Variants in CHIC2 observed in about 807,000 individuals in gnomAD.
CHIC2 encodes the protein cysteine-rich hydrophobic domain-containing protein 2.
A neutral mutation model predicts 25.9 loss-of-function variants in CHIC2; 14 were observed. That is an observed-to-expected ratio of 0.54 (90% CI 0.36 to 0.85). CHIC2 has a LOEUF of 0.85. Among genes scored for constraint, CHIC2 ranks in the 40% least tolerant of loss-of-function variants. CHIC2 has a pLI of 0.01. For missense variants in CHIC2, 146 were observed against 202.0 expected (o/e 0.72, Z 1.68); for synonymous variants, 70 against 72.0 (o/e 0.97, Z 0.14).
chr4:54,045,074 AT>A (rs1716740161), intron 3 of CHIC2, among the ~76,000 whole-genome samples: 1 of 152,348 alleles, frequency 6.6e-6, no homozygotes, highest in South Asian at 2.1e-4. Context: ...TCCTCGACAC[AT>A]ACACTCTCCC....
chr4:54,028,317 T>C (rs1716122653), intron 3 of CHIC2, among the ~76,000 whole-genome samples: 2 of 152,156 alleles, frequency 1.3e-5, no homozygotes, highest in African/African-American at 2.4e-5. Context: ...TAATAAAAAA[T>C]AGCTTGATTT....
Position 54,049,233 on chromosome 4 carries a change from C to A in CHIC2, c.174+18G>T, listed in dbSNP as rs373214146. 15 of 1,596,588 alleles carry A rather than the reference C, an allele frequency of 9.4e-6. No individual in the cohort carries two copies. Among genetic ancestry groups the A allele is most frequent in the Non-Finnish European group, 1.3e-5 (15 of 1,168,518 alleles). Reference sequence around the variant, plus strand: ...TTCATTTTGAGGCATACAAATAGTACATAAATGAGACACTCACTTTTCCAG... The same window carrying A: ...TTCATTTTGAGGCATACAAATAGTAAATAAATGAGACACTCACTTTTCCAG... On this transcript the variant is annotated intron_variant, in intron 2 of 5. Transcript: ENST00000263921.
At chr4:54,056,243 T>G (rs993385506) in intron 1 of CHIC2, among the ~76,000 whole-genome samples, 2 of 152,172 alleles carry the variant, frequency 1.3e-5, no homozygotes, top group Admixed American at 6.5e-5. Context: ...ATAACTAACT[T>G]CTGGCGATAT....
chr4:54,056,253 T>C (rs556921873), intron 1 of CHIC2, among the ~76,000 whole-genome samples: 3 of 152,280 alleles, frequency 2.0e-5, no homozygotes, highest in African/African-American at 2.4e-5. Flanking sequence ...TCTGGCGATA[T>C]AGGGATGCAG....
rs200677428 is a variant in CHIC2 at position 54,046,577 on chromosome 4, G to A, written c.330+2378C>T. ...GATTCCCTATTTAATAAAGGGTGCTGGGAAAACTGGCTAGCCATATGTACA... is the reference window on the plus strand; with the variant it reads ...GATTCCCTATTTAATAAAGGGTGCTAGGAAAACTGGCTAGCCATATGTACA... On this transcript the variant is annotated intron_variant, in intron 3 of 5. Transcript: ENST00000263921. 5.1e-3 allele frequency among the ~76,000 whole-genome samples: 782 copies of A among 152,262 alleles called. 3 individuals are homozygous for A. The highest frequency in any genetic ancestry group is 9.0e-3 in the Non-Finnish European group (612 of 68,022).
At chr4:54,028,494 G>T (rs1716126571) in intron 3 of CHIC2, among the ~76,000 whole-genome samples, 1 of 152,098 alleles carries the variant, frequency 6.6e-6, no homozygotes, top group Non-Finnish European at 1.5e-5. Flanking sequence ...TTGTAATTTT[G>T]TAAGAATACA....
At chr4:54,055,407 G>T (rs1277251984) in intron 1 of CHIC2, among the ~76,000 whole-genome samples, 2 of 152,178 alleles carry the variant, frequency 1.3e-5, no homozygotes, top group Non-Finnish European at 2.9e-5. Flanking sequence ...AAGAGAAAGA[G>T]GAAAATCAAG....
chr4:54,040,028 G>A (rs529706436), intron 3 of CHIC2, among the ~76,000 whole-genome samples: 1 of 152,072 alleles, frequency 6.6e-6, no homozygotes, highest in South Asian at 2.1e-4. Flanking sequence ...GGTTGCCAGG[G>A]TTTAAGAGTT....
chr4:54,025,168 A>G (rs371868906), intron 3 of CHIC2, among the ~76,000 whole-genome samples: 10 of 152,158 alleles, frequency 6.6e-5, no homozygotes, highest in African/African-American at 2.2e-4. Flanking sequence ...TGACCTGCAC[A>G]TATACATCCA....
chr4:54,017,205 C>T (rs1417756725), intron 3 of CHIC2, among the ~76,000 whole-genome samples: 1 of 151,988 alleles, frequency 6.6e-6, no homozygotes, highest in African/African-American at 2.4e-5. Context: ...TGTGGACAAG[C>T]AAATCTAATC....
chr4:54,054,600 G>A (rs1717115570), intron 1 of CHIC2, among the ~76,000 whole-genome samples: 1 of 152,176 alleles, frequency 6.6e-6, no homozygotes, highest in African/African-American at 2.4e-5. Context: ...ATACTAGAGA[G>A]AGTAGTCTGT....
At chr4:54,030,235 T>C (rs536068783) in intron 3 of CHIC2, among the ~76,000 whole-genome samples, 47 of 152,304 alleles carry the variant, frequency 3.1e-4, no homozygotes, top group Non-Finnish European at 5.9e-4. Context: ...ATTACAATGA[T>C]GGCCAGGTGC....
At chr4:54,041,218 G>A (rs956107140) in intron 3 of CHIC2, among the ~76,000 whole-genome samples, 1 of 151,896 alleles carries the variant, frequency 6.6e-6, no homozygotes, top group Non-Finnish European at 1.5e-5. Flanking sequence ...TGTGAAGAAA[G>A]TAAAAGCACT....
At chr4:54,083,025 T>C in the CHIC2 span, among the ~76,000 whole-genome samples, 3 of 130,766 alleles carry the variant, frequency 2.3e-5, no homozygotes, top group East Asian at 4.1e-4. Context: ...TTTCTTTTTT[T>C]TTTTTTTTTT....
At chr4:54,049,833 C>T (rs773325645) in intron 1 of CHIC2, among the ~76,000 whole-genome samples, 53 of 152,048 alleles carry the variant, frequency 3.5e-4, no homozygotes, top group Non-Finnish European at 5.9e-4. Context: ...CAAGAACCGT[C>T]TTAGGTTCCA....
At chr4:54,081,934 A>G in the CHIC2 span, among the ~76,000 whole-genome samples, 1,011 of 152,284 alleles carry the variant, frequency 6.6e-3, 7 homozygotes, top group African/African-American at 0.023. Context: ...AAAGATGAAA[A>G]ATAGATGATA....
At chr4:54,044,813 G>A (rs1716728362) in intron 3 of CHIC2, among the ~76,000 whole-genome samples, 1 of 152,020 alleles carries the variant, frequency 6.6e-6, no homozygotes, top group Non-Finnish European at 1.5e-5. Flanking sequence ...AGAACTGAAG[G>A]AAATAGAGAC....
At chr4:54,091,025 G>A in the CHIC2 span, among the ~76,000 whole-genome samples, 2 of 152,022 alleles carry the variant, frequency 1.3e-5, no homozygotes, top group East Asian at 3.9e-4. Flanking sequence ...CCCAAGTAGA[G>A]CCTGGCATAC....
At chr4:54,067,775 TCCC>T (rs1318832544), upstream of CHIC2, among the ~76,000 whole-genome samples, 1 of 152,188 alleles carries the variant, frequency 6.6e-6, no homozygotes, top group Non-Finnish European at 1.5e-5. Context: ...CTTGAAAACT[TCCC>T]AGTTCCATTT....
Sources: allele counts gnomAD v4.1 joint callset (sites outside exome capture counted in the v4.1 genomes callset), GRCh38; gene constraint gnomAD v4.1.1; transcripts MANE v1.5; gene names NCBI Gene and HGNC (gene_info 2026-07-23, HGNC 2026-07-21).